The following ZNF81 variants were observed in gnomAD, a reference collection of about 807,000 sequenced individuals.
The protein encoded by ZNF81 is zinc finger protein 81 (HFZ20).
Under a neutral mutation model 32.3 loss-of-function variants are expected in ZNF81, and 5 were observed. The ratio of observed to expected loss-of-function variants is 0.15; its 90% CI spans 0.08 to 0.33. The LOEUF is 0.33. Ranked by LOEUF, ZNF81 falls within the 10% of genes least tolerant of loss-of-function variation. ZNF81 has a pLI of 1.00. For synonymous variants in ZNF81, 163 were observed against 166.8 expected, an observed-to-expected ratio of 0.98 and a Z score of 0.17; for missense variants, 379 against 479.8, an observed-to-expected ratio of 0.79 and a Z score of 1.96.
intron 2 of ZNF81, among the ~76,000 whole-genome samples, chrX:47,877,242 C>T (rs185835125): frequency 8.9e-6 from 1 of 111,794 alleles, no homozygotes; most frequent in African/African-American, 3.2e-5. Context: ...CCTTGGGCGA[C>T]TGTATCCAAC....
intron 1 of ZNF81, among the ~76,000 whole-genome samples, chrX:47,837,404 C>T (rs782013649): frequency 8.9e-6 from 1 of 111,903 alleles, no homozygotes; most frequent in East Asian, 2.8e-4. Context: ...ATTTAGTCGT[C>T]AATTGTGTCA....
intron 2 of ZNF81, among the ~76,000 whole-genome samples, chrX:47,850,882 GGCACGCGC>G (rs201441457): frequency 0.04 from 1,782 of 44,775 alleles, 79 homozygotes; most frequent in East Asian, 0.29. Flanking sequence ...CTCATTCACA[GGCACGCGC>G]GCACACACAC....
intron 2 of ZNF81, among the ~76,000 whole-genome samples, chrX:47,850,891 GCACACACACACACACACA>G (rs782209480): frequency 1.9e-5 from 1 of 53,416 alleles, no homozygotes. Context: ...AGGCACGCGC[GCACACACACACACACACA>G]CACACACACA....
At chrX:47,901,743 A>G (rs180741991) in intron 4 of ZNF81, among the ~76,000 whole-genome samples, 12 of 86,889 alleles carry the variant, frequency 1.4e-4, no homozygotes, top group African/African-American at 5.4e-4. Context: ...TTTGAGAGAG[A>G]TTGGTCTTTA....
rs782591788 is a variant in ZNF81, at chrX:47,901,006, G to A, written c.277+5066G>A. On this transcript the variant is annotated intron_variant, in intron 4 of 4. Transcript: ENST00000338637. ...GCTCCACATTGCTGCTAGGAGTGCAGCTACTCTCAACAGAAACCCGAGAAA... is the reference window on the plus strand; with the variant it reads ...GCTCCACATTGCTGCTAGGAGTGCAACTACTCTCAACAGAAACCCGAGAAA... Among the ~76,000 whole-genome samples the A allele has an allele frequency of 5.4e-5, 6 of 111,457 alleles. No individual in the cohort carries two copies. In the East Asian group the frequency reaches 1.7e-3, roughly 31 times the overall value.
chrX:47,890,890 C>G (rs1603199490), intron 3 of ZNF81, among the ~76,000 whole-genome samples: 1 of 111,866 alleles, frequency 8.9e-6, no homozygotes, highest in Non-Finnish European at 1.9e-5. Flanking sequence ...AGAAATTTCC[C>G]TGAGGTGTAA....
rs1260176013 is a variant in ZNF81 at position 47,908,564 on chromosome X, TC to T, written c.278-6359del. On this transcript the variant is annotated intron_variant, in intron 4 of 4. Transcript: ENST00000338637. ...ATTTAAGAGAAACAAGCAAATATATTCACTAAAAGAAATGTACAAGAATGCT... is the reference window on the plus strand; with the variant it reads ...ATTTAAGAGAAACAAGCAAATATATTACTAAAAGAAATGTACAAGAATGCT... 2.7e-5 allele frequency among the ~76,000 whole-genome samples: 3 copies of T among 111,840 alleles called. No homozygotes were observed. The Admixed American group carries it at 2.9e-4, about 11-fold the overall frequency.
At chrX:47,862,439 C>T (rs2058544457) in intron 2 of ZNF81, among the ~76,000 whole-genome samples, 1 of 107,973 alleles carries the variant, frequency 9.3e-6, no homozygotes, top group Non-Finnish European at 1.9e-5. Context: ...AAGAGAATCA[C>T]ATGAACCTGG....
At chrX:47,882,456 G>A (rs1556885280) in intron 2 of ZNF81, among the ~76,000 whole-genome samples, 2 of 111,922 alleles carry the variant, frequency 1.8e-5, no homozygotes, top group African/African-American at 3.3e-5. Context: ...GTGTCTATCC[G>A]TGGATTTTTC....
At chrX:47,861,419 G>C (rs782574257) in intron 2 of ZNF81, among the ~76,000 whole-genome samples, 10 of 111,872 alleles carry the variant, frequency 8.9e-5, no homozygotes, top group Non-Finnish European at 1.5e-4. Flanking sequence ...TGAGAGCCCC[G>C]TAGAGAACTG....
chrX:47,898,031 G>A (rs1556887452), intron 4 of ZNF81, among the ~76,000 whole-genome samples: 1 of 111,830 alleles, frequency 8.9e-6, no homozygotes, highest in East Asian at 2.8e-4. Flanking sequence ...GGTCAGTTGG[G>A]ATCTAGAAGG....
intron 2 of ZNF81, among the ~76,000 whole-genome samples, chrX:47,887,447 G>A (rs2058646201): frequency 1.8e-5 from 2 of 111,725 alleles, no homozygotes; most frequent in African/African-American, 6.5e-5. Flanking sequence ...GAACAATACA[G>A]CCATCAATAG....
At chrX:47,909,043 A>G (rs1204104692) in intron 4 of ZNF81, among the ~76,000 whole-genome samples, 1 of 112,334 alleles carries the variant, frequency 8.9e-6, no homozygotes, top group Non-Finnish European at 1.9e-5. Flanking sequence ...GATCTATACT[A>G]TATAGCTTTG....
At chrX:47,890,048 A>G (rs782754132) in intron 3 of ZNF81, among the ~76,000 whole-genome samples, 1 of 111,508 alleles carries the variant, frequency 9.0e-6, no homozygotes, top group East Asian at 2.8e-4. Context: ...TATCTTTTTA[A>G]CTTTCCCTTA....
Position 47,846,329 on chromosome X carries a change from G to T in ZNF81, c.54+8G>T. 2.5e-6 allele frequency: 3 copies of T among 1,206,959 alleles called. No homozygotes were observed. Among genetic ancestry groups the T allele is most frequent in the Non-Finnish European group, 3.4e-6 (3 of 893,334 alleles). Reference sequence around the variant, plus strand: ...CATGGCAGTGCCTGTGAGGTGAGGAGGAGGAAGAGGTGCCCAGGGATTGGA... The same window carrying T: ...CATGGCAGTGCCTGTGAGGTGAGGATGAGGAAGAGGTGCCCAGGGATTGGA... On this transcript the variant is annotated splice_region_variant and intron_variant, in intron 2 of 4. Coordinates refer to ENST00000338637, the MANE Select transcript of ZNF81 (RefSeq NM_007137.5).
chrX:47,911,260 T>C (rs2058738308), intron 4 of ZNF81, among the ~76,000 whole-genome samples: 1 of 111,525 alleles, frequency 9.0e-6, no homozygotes, highest in Admixed American at 9.6e-5. Context: ...TGGTCTTTAA[T>C]GCCTGTCATA....
rs781785337 is a variant in ZNF81 at position 47,915,338 on chromosome X, C to A, written c.692C>A (p.Ser231Tyr). 8.3e-7 allele frequency: 1 copy of A among 1,210,008 alleles called. No homozygotes were observed. Among genetic ancestry groups the A allele is most frequent in the Admixed American group, 2.2e-5 (1 of 45,697 alleles). ...CATGGTCAAGTTTTTACCCAGAACT[C>A]TTCTTATAGTCACCACGAAAATACA... The part of the protein sequence containing the change: ...IGHGQVFTQN[S>Y]SYSHHENTHT... The change falls in exon 5 of 5, where the codon TCT becomes TAT. Residue 231 changes from serine (S) to tyrosine (Y), a missense_variant. Physicochemically the swap from Ser to Tyr is moderately radical, Grantham distance 144 (BLOSUM62 -2). Transcript: ENST00000338637.
intron 2 of ZNF81, among the ~76,000 whole-genome samples, chrX:47,886,525 A>T: frequency 9.1e-6 from 1 of 110,034 alleles, no homozygotes; most frequent in East Asian, 2.9e-4. Context: ...TTCCAATGGT[A>T]GTGATGACTG....
At position 47,844,516 on chromosome X, in the gene ZNF81, A is replaced by G. The variant is rs189271558; in HGVS notation, c.-163-1589A>G. ...GTATTAGTACTTCTTTTGTATTACC[A>G]AATGTTATAATATTCCATTGTGTAT... On this transcript the variant is annotated intron_variant, in intron 1 of 4. Transcript: ENST00000338637. Among the ~76,000 whole-genome samples, 6 of 112,457 alleles carry G rather than the reference A, an allele frequency of 5.3e-5. No homozygotes were observed. In the East Asian group the frequency reaches 1.4e-3, roughly 26 times the overall value.
Sources: gnomAD v4.1 joint callset for allele counts (sites outside exome capture counted in the v4.1 genomes callset) on GRCh38, gnomAD v4.1.1 for gene constraint, MANE v1.5 for transcripts, NCBI Gene and HGNC (gene_info 2026-07-23, HGNC 2026-07-21) for gene names.